The following PKP4 variants were observed in gnomAD, a reference collection of about 807,000 sequenced individuals.
PKP4 encodes the protein plakophilin 4, also known as plakophilin-4.
Under a neutral mutation model 145.1 loss-of-function variants are expected in PKP4, and 90 were observed. The ratio of observed to expected loss-of-function variants is 0.62; its 90% CI spans 0.52 to 0.74. The LOEUF (loss-of-function observed/expected upper bound fraction) is 0.74. PKP4 is among the 30% of genes least tolerant of loss of function. PKP4 has a pLI of 0.00. For synonymous variants in PKP4, 563 were observed against 577.2 expected, an observed-to-expected ratio of 0.98 and a Z score of 0.35; for missense variants, 1,340 against 1,482.7, an observed-to-expected ratio of 0.90 and a Z score of 1.58.
chr2:158,552,189 G>A (rs1295680147), intron 2 of PKP4, among the ~76,000 whole-genome samples: 1 of 152,212 alleles, frequency 6.6e-6, no homozygotes, highest in Non-Finnish European at 1.5e-5. Context: ...GCCAGGGAAT[G>A]CCAGCTGTCC....
intron 2 of PKP4, among the ~76,000 whole-genome samples, chr2:158,559,518 C>T (rs1322029225): frequency 6.6e-6 from 1 of 152,072 alleles, no homozygotes. Flanking sequence ...CCTGACCTAG[C>T]CTGGCACTCT....
chr2:158,656,049 G>A (rs1020287611), intron 11 of PKP4, among the ~76,000 whole-genome samples: 1 of 152,178 alleles, frequency 6.6e-6, no homozygotes, highest in African/African-American at 2.4e-5. Flanking sequence ...TGGTCGTCAG[G>A]CTTATCAAAT....
At chr2:158,573,116 A>G (rs1019543500) in intron 2 of PKP4, among the ~76,000 whole-genome samples, 1 of 152,260 alleles carries the variant, frequency 6.6e-6, no homozygotes, top group Non-Finnish European at 1.5e-5. Context: ...CCCAAGGTTC[A>G]TGATGAGAAC....
intron 15 of PKP4, among the ~76,000 whole-genome samples, chr2:158,663,658 C>A (rs1221517527): frequency 6.6e-6 from 1 of 152,140 alleles, no homozygotes; most frequent in African/African-American, 2.4e-5. Flanking sequence ...CTATGAGAAA[C>A]AGAAGGCTAG....
chr2:158,587,169 G>A (rs2048871871), intron 3 of PKP4, among the ~76,000 whole-genome samples: 1 of 152,090 alleles, frequency 6.6e-6, no homozygotes, highest in Non-Finnish European at 1.5e-5. Context: ...ATTATTTTAA[G>A]ACTATTTTAA....
Position 158,676,716 on chromosome 2 carries a change from T to TCC in PKP4, c.3128-22_3128-21dup, listed in dbSNP as rs1323801806. ...ATTTCTCTTTCTACCCCTCTTTCTC[T>TCC]CCTCCTTTGCCTCTCCCTTCAGTCG... On this transcript the variant is annotated intron_variant, in intron 19 of 21. Transcript: ENST00000389759. 5.0e-6 allele frequency: 8 copies of TCC among 1,613,786 alleles called. No individual in the cohort carries two copies. In the South Asian group the frequency reaches 6.6e-5, roughly 13 times the overall value.
At chr2:158,583,722 T>A (rs975873298) in intron 3 of PKP4, among the ~76,000 whole-genome samples, 1 of 152,148 alleles carries the variant, frequency 6.6e-6, no homozygotes, top group Non-Finnish European at 1.5e-5. Flanking sequence ...CTTAAAAAAA[T>A]TTATTTTTTA....
chr2:158,602,253 G>A (rs2050290792), intron 3 of PKP4, among the ~76,000 whole-genome samples: 2 of 152,168 alleles, frequency 1.3e-5, no homozygotes, highest in African/African-American at 4.8e-5. Flanking sequence ...CCTGGGTGTG[G>A]TTCCAGCTCT....
At chr2:158,557,181 A>G (rs1221523478) in intron 2 of PKP4, among the ~76,000 whole-genome samples, 2 of 152,186 alleles carry the variant, frequency 1.3e-5, no homozygotes, top group Non-Finnish European at 2.9e-5. Context: ...GGTGTTGGCT[A>G]TATTCACACT....
chr2:158,502,699 T>A (rs1394912959), intron 1 of PKP4, among the ~76,000 whole-genome samples: 1 of 152,188 alleles, frequency 6.6e-6, no homozygotes, highest in Non-Finnish European at 1.5e-5. Context: ...ACTGCCCAAT[T>A]GCAATTGGTG....
chr2:158,621,344 C>T lies in PKP4; in HGVS notation c.526C>T (p.Gln176Ter). 1 of 1,614,114 alleles carries T rather than the reference C, an allele frequency of 6.2e-7. No homozygotes were observed. Among genetic ancestry groups the T allele is most frequent in the Non-Finnish European group, 8.5e-7 (1 of 1,179,960 alleles). ...SQNVSKADNR[Q>*]QHSFIGSTNN... is the part of the protein sequence containing the mutation. Reference sequence around the variant, plus strand: ...GAACGTGAGCAAGGCAGACAACAGACAGCAGCATTCATTCATAGGATCAAC... The same window carrying T: ...GAACGTGAGCAAGGCAGACAACAGATAGCAGCATTCATTCATAGGATCAAC... The change falls in exon 6 of 22, where the codon CAG becomes TAG. Residue 176 changes from glutamine to a stop codon, truncating the protein, a stop_gained. Coordinates refer to ENST00000389759, the MANE Select transcript of PKP4 (RefSeq NM_003628.6). LOFTEE classifies it high-confidence loss of function.
intron 1 of PKP4, among the ~76,000 whole-genome samples, chr2:158,472,815 T>G (rs2105407802): frequency 6.6e-6 from 1 of 152,204 alleles, no homozygotes; most frequent in African/African-American, 2.4e-5. Context: ...TAGCATAGAT[T>G]TATGTTAAAT....
At position 158,679,441 on chromosome 2, in the gene PKP4, G is replaced by A. The variant is rs377719002; in HGVS notation, c.3330+787G>A. 3.3e-5 allele frequency: 5 copies of A among 152,262 alleles called. No individual in the cohort carries two copies. In the East Asian group the frequency reaches 9.6e-4, roughly 29 times the overall value. The allele number at this position is 152,262 out of a possible 1,614,324, so 9.4% of individuals were successfully genotyped here. ...CAAGTTATTCATAATTTATGCTATG[G>A]TTTTTTAGTCAGGAAAAATAGACCA... On this transcript the variant is annotated intron_variant, in intron 21 of 21. Transcript: ENST00000389759.
At chr2:158,644,771 G>A (rs1193133930) in intron 11 of PKP4, among the ~76,000 whole-genome samples, 1 of 152,174 alleles carries the variant, frequency 6.6e-6, no homozygotes, top group African/African-American at 2.4e-5. Flanking sequence ...GGAGGAAAAT[G>A]GGACTGGGGG....
chr2:158,520,159 T>C (rs2042251021), intron 1 of PKP4, among the ~76,000 whole-genome samples: 1 of 152,178 alleles, frequency 6.6e-6, no homozygotes, highest in Non-Finnish European at 1.5e-5. Flanking sequence ...TTTCCTTGTG[T>C]TATAGGGGCA....
Position 158,525,746 on chromosome 2 carries a change from TAAAG to T in PKP4, c.-5-7430_-5-7427del, listed in dbSNP as rs1263457794. 1.4e-4 allele frequency among the ~76,000 whole-genome samples: 20 copies of T among 144,368 alleles called. No individual in the cohort carries two copies. In the South Asian group the frequency reaches 3.1e-3, roughly 22 times the overall value. The allele number at this position is 144,368 out of a possible 152,430, so 94.7% of individuals were successfully genotyped here. ...ATTGATAGACCGCTAGCAAGACTAATAAAGAAAAAAAGAGAGGAGAATCAAATAG... is the reference window on the plus strand; with the variant it reads ...ATTGATAGACCGCTAGCAAGACTAATAAAAAAAGAGAGGAGAATCAAATAG... On this transcript the variant is annotated intron_variant, in intron 1 of 21. Transcript: ENST00000389759.
chr2:158,605,670 C>T (rs1410856541), intron 4 of PKP4, among the ~76,000 whole-genome samples: 1 of 151,866 alleles, frequency 6.6e-6, no homozygotes, highest in Non-Finnish European at 1.5e-5. Flanking sequence ...TATAGTTTAC[C>T]CATTTTAAGA....
intron 2 of PKP4, among the ~76,000 whole-genome samples, chr2:158,541,820 T>C (rs2044548363): frequency 6.6e-6 from 1 of 152,154 alleles, no homozygotes. Context: ...AGTTATCATC[T>C]ACCCTAATAG....
chr2:158,503,509 A>C (rs986632487), intron 1 of PKP4, among the ~76,000 whole-genome samples: 5 of 152,338 alleles, frequency 3.3e-5, no homozygotes, highest in African/African-American at 1.2e-4. Flanking sequence ...ATATTTTATC[A>C]AATCCTGTTT....
Sources: allele counts gnomAD v4.1 joint callset (sites outside exome capture counted in the v4.1 genomes callset), GRCh38; gene constraint gnomAD v4.1.1; transcripts MANE v1.5; gene names NCBI Gene and HGNC (gene_info 2026-07-23, HGNC 2026-07-21).